Variants in FGF11 observed in about 807,000 individuals in gnomAD.
The protein encoded by FGF11 is fibroblast growth factor 11, also known as fibroblast growth factor homologous factor 3.
A neutral mutation model predicts 25.1 loss-of-function variants in FGF11; 25 were observed. The ratio of observed to expected loss-of-function variants is 1.00; its 90% confidence interval spans 0.73 to 1.39. The LOEUF is 1.39. FGF11 is among the 40% of genes most tolerant of loss of function. FGF11 has a pLI of 0.00. For missense variants in FGF11, 320 were observed against 311.0 expected (o/e 1.03, Z -0.22); for synonymous variants, 130 against 128.9 (o/e 1.01, Z -0.06).
At position 7,443,225 on chromosome 17, in the gene FGF11, T is replaced by A; in HGVS notation, c.*79T>A. ...CACAACCTGTCTCCCAGTCCTGCTC[T>A]CACCCCTGCTGCCACACACATGCCC... On this transcript the variant is annotated 3_prime_UTR_variant, in exon 5 of 5. Coordinates refer to ENST00000293829, the MANE Select transcript of FGF11 (RefSeq NM_004112.4). The A allele has an allele frequency of 1.1e-6, 1 of 893,442 alleles. No homozygotes were observed. Among genetic ancestry groups the A allele is most frequent in the Non-Finnish European group, 1.8e-6 (1 of 560,812 alleles). The allele number at this position is 893,442 out of a possible 1,614,324, so 55.3% of individuals were successfully genotyped here.
chr17:7,444,935 G>GCC lies in FGF11; in HGVS notation c.*1789_*1790insCC, dbSNP rs1908519906. 6 of 628,308 alleles carry GCC rather than the reference G, an allele frequency of 9.5e-6. No individual in the cohort carries two copies. The highest frequency in any genetic ancestry group is 1.9e-5 in the South Asian group (1 of 53,130). 38.9% of individuals were successfully genotyped at this position (628,308 alleles called of 1,614,324 possible). On this transcript the variant is annotated 3_prime_UTR_variant, in exon 5 of 5. Coordinates refer to ENST00000293829, the MANE Select transcript of FGF11 (RefSeq NM_004112.4). ...TCAATTAAAGACGATTTATACAACT[G>GCC]AAGTGCTGTCTGTCATCTGTCGGTG...
chr17:7,438,359 G>A (rs1908154185), upstream of FGF11: 2 of 156,136 alleles, frequency 1.3e-5, no homozygotes, highest in Non-Finnish European at 2.8e-5. Context: ...CACCGGCCCA[G>A]TGCTCTGACT....
chr17:7,443,277 C>A lies in FGF11; in HGVS notation c.*131C>A. On this transcript the variant is annotated 3_prime_UTR_variant, in exon 5 of 5. Transcript: ENST00000293829. ...GAGCAGCCAGGTCCCACTAGGTGCT[C>A]TACCCTGAGGGAGCCTAGGGGCTGA... is the stretch of plus-strand genomic sequence containing the variant. The A allele has an allele frequency of 1.6e-6, 1 of 629,934 alleles. No homozygotes were observed. Among genetic ancestry groups the A allele is most frequent in the South Asian group, 2.0e-5 (1 of 51,174 alleles). The allele number at this position is 629,934 out of a possible 1,614,324, so 39.0% of individuals were successfully genotyped here. A position where few individuals can be genotyped will look rare whatever the true frequency, so the allele number is the denominator to read the frequency against.
At chr17:7,441,708 C>T in intron 2 of FGF11, 68 bp from the exon 3 acceptor site, 1 of 1,561,234 alleles carries the variant, frequency 6.4e-7, no homozygotes, top group Non-Finnish European at 8.7e-7. Flanking sequence ...AAAAGTGGAG[C>T]TGGGATGAGG....
In FGF11 at chr17:7,439,649, G is replaced by A. The variant is rs1293588693; in HGVS notation, c.29G>A (p.Arg10Gln). 1 of 1,506,104 alleles carries A rather than the reference G, an allele frequency of 6.6e-7. No individual in the cohort carries two copies. The highest frequency in any genetic ancestry group is 1.4e-5 in the African/African-American group (1 of 69,278). 93.3% of individuals were successfully genotyped at this position (1,506,104 alleles called of 1,614,324 possible). The change falls in exon 1 of 5, where the codon CGG becomes CAG. Residue 10 changes from arginine (R) to glutamine (Q), a missense_variant. By Grantham distance (43) the Arg-to-Gln change is conservative (BLOSUM62 1). Coordinates refer to ENST00000293829, the MANE Select transcript of FGF11 (RefSeq NM_004112.4). MAALASSLI[R>Q]QKREVREPGG... ...GCGGCGCTGGCCAGTAGCCTGATCC[G>A]GCAGAAGCGGGAGGTCCGCGAGCCC... is the stretch of plus-strand genomic sequence containing the variant.
intron 3 of FGF11, 185 bp downstream of exon 3, chr17:7,442,064 C>G: frequency 1.9e-6 from 1 of 538,372 alleles, no homozygotes; most frequent in Non-Finnish European, 3.3e-6. Context: ...CTCCAGTCCC[C>G]ACTCCTTGCA....
At chr17:7,438,570 G>T (rs1461756677), upstream of FGF11, 1 of 152,878 alleles carries the variant, frequency 6.5e-6, no homozygotes, top group Non-Finnish European at 1.5e-5. Context: ...GGTGCTATAG[G>T]CAATCCCGGG....
At chr17:7,439,351 T>G, upstream of FGF11, 7 of 333,906 alleles carry the variant, frequency 2.1e-5, no homozygotes, top group East Asian at 4.7e-5. Context: ...ACGTTTTCAA[T>G]AGGAGGCAAA....
At chr17:7,439,489 T>G, upstream of FGF11, 1 of 676,632 alleles carries the variant, frequency 1.5e-6, no homozygotes, top group Non-Finnish European at 2.3e-6. Flanking sequence ...GGGCTTATCC[T>G]CAGGTCCTGT....
chr17:7,443,276 T>C lies in FGF11; in HGVS notation c.*130T>C. The C allele has an allele frequency of 1.6e-6, 1 of 632,174 alleles. No homozygotes were observed. Among genetic ancestry groups the C allele is most frequent in the Non-Finnish European group, 2.8e-6 (1 of 359,924 alleles). 39.2% of individuals were successfully genotyped at this position (632,174 alleles called of 1,614,324 possible). A position where few individuals can be genotyped will look rare whatever the true frequency, so the allele number is the denominator to read the frequency against. ...TGAGCAGCCAGGTCCCACTAGGTGC[T>C]CTACCCTGAGGGAGCCTAGGGGCTG... On this transcript the variant is annotated 3_prime_UTR_variant, in exon 5 of 5. Transcript: ENST00000293829.
chr17:7,438,733 C>T (rs1362651255), upstream of FGF11, among the ~76,000 whole-genome samples: 1 of 152,080 alleles, frequency 6.6e-6, no homozygotes, highest in East Asian at 1.9e-4. Flanking sequence ...CACCAGCTGT[C>T]CCCAAGAAAA....
At position 7,443,207 on chromosome 17, in the gene FGF11, T is replaced by C. The variant is rs1473402213; in HGVS notation, c.*61T>C. On this transcript the variant is annotated 3_prime_UTR_variant, in exon 5 of 5. Coordinates refer to ENST00000293829, the MANE Select transcript of FGF11 (RefSeq NM_004112.4). ...CAGTGAGCCAGCCACCACCACAACC[T>C]GTCTCCCAGTCCTGCTCTCACCCCT... The C allele has an allele frequency of 9.4e-7, 1 of 1,064,560 alleles. No individual in the cohort carries two copies. Among genetic ancestry groups the C allele is most frequent in the Non-Finnish European group, 1.4e-6 (1 of 699,288 alleles). The allele number at this position is 1,064,560 out of a possible 1,614,324, so 65.9% of individuals were successfully genotyped here.
Position 7,441,861 on chromosome 17 carries a change from G to A in FGF11, c.390G>A (p.Glu130=). Reference sequence around the variant, plus strand: ...GTCACTACATGGCCATGAATGCTGAGGGACTGCTCTACAGTTCGGTGAGAC... The same window carrying A: ...GTCACTACATGGCCATGAATGCTGAAGGACTGCTCTACAGTTCGGTGAGAC... ...KLGHYMAMNA[E]GLLYSSPHFT... Residue 130 remains glutamate, a synonymous_variant, in exon 3 of 5, where the codon GAG becomes GAA. Transcript: ENST00000293829. 1 of 1,609,370 alleles carries A rather than the reference G, an allele frequency of 6.2e-7. No homozygotes were observed. The highest frequency in any genetic ancestry group is 8.5e-7 in the Non-Finnish European group (1 of 1,178,068).
At chr17:7,439,329 G>A (rs1217885648), upstream of FGF11, 1 of 343,618 alleles carries the variant, frequency 2.9e-6, no homozygotes, top group Non-Finnish European at 5.3e-6. Flanking sequence ...CACTGGAGAG[G>A]AGGGAAAGGG....
At chr17:7,441,904 G>T (rs748994880) in intron 3 of FGF11, 25 bp downstream of exon 3, 2 of 1,485,140 alleles carry the variant, frequency 1.3e-6, no homozygotes, top group East Asian at 4.6e-5. Context: ...CTGAGTGGCC[G>T]GGAAATACTG....
rs1567673429 is a variant in FGF11 at position 7,439,719 on chromosome 17, C to G, written c.99C>G (p.Arg33=). The change falls in exon 1 of 5, where the codon CGC becomes CGG. Residue 33 remains arginine, a synonymous_variant. Coordinates refer to ENST00000293829, the MANE Select transcript of FGF11 (RefSeq NM_004112.4). ...CGGCGCAGCGGCGCGTGTGTCCCCGCGGCACCAAGTCCCTTTGCCAGAAGC... is the reference window on the plus strand; with the variant it reads ...CGGCGCAGCGGCGCGTGTGTCCCCGGGGCACCAAGTCCCTTTGCCAGAAGC... ...PVSAQRRVCP[R]GTKSLCQKQL... is the part of the protein sequence containing the mutation. 6.4e-7 allele frequency: 1 copy of G among 1,572,306 alleles called. No homozygotes were observed.
In FGF11 at chr17:7,440,793, C is replaced by G. The variant is rs771536249; in HGVS notation, c.194-678C>G. The G allele has an allele frequency of 2.5e-4, 242 of 987,084 alleles. 1 individual carries two copies. The highest frequency in any genetic ancestry group is 1.0e-3 in the Middle Eastern group (2 of 1,944). 61.1% of individuals were successfully genotyped at this position (987,084 alleles called of 1,614,324 possible). On this transcript the variant is annotated intron_variant, in intron 1 of 4. Coordinates refer to ENST00000293829, the MANE Select transcript of FGF11 (RefSeq NM_004112.4). The surrounding 1 kb of genome is among the most constrained non-coding windows in gnomAD (Gnocchi z 5.4). ...GACTCAGCCTGCCTCTCCATCTCCTCAGCTCCCACCCCCCATATCCTTGGT... is the reference window on the plus strand; with the variant it reads ...GACTCAGCCTGCCTCTCCATCTCCTGAGCTCCCACCCCCCATATCCTTGGT...
intron 3 of FGF11, chr17:7,442,128 G>T: frequency 2.3e-6 from 1 of 440,342 alleles, no homozygotes; most frequent in Non-Finnish European, 4.0e-6. Context: ...CTGCCTTTTA[G>T]GGCCCCTACT....
intron 1 of FGF11, 72 bp from the exon 2 acceptor site, chr17:7,441,399 A>T: frequency 6.3e-7 from 1 of 1,593,090 alleles, no homozygotes; most frequent in Non-Finnish European, 8.5e-7. Context: ...TCTTCCCTCT[A>T]ATCCTGCCAA....
Sources: allele counts gnomAD v4.1 joint callset (sites outside exome capture counted in the v4.1 genomes callset), GRCh38; gene constraint gnomAD v4.1.1; non-coding constraint Gnocchi (gnomAD v3.1); transcripts MANE v1.5; gene names NCBI Gene and HGNC (gene_info 2026-07-23, HGNC 2026-07-21).